The following EPHB1 variants were observed in gnomAD, a reference collection of about 807,000 sequenced individuals.
EPHB1 encodes the protein ephrin type-B receptor 1.
EPHB1 carries 30 observed loss-of-function variants against 94.4 expected under a neutral mutation model. The observed-to-expected ratio is 0.32, with a 90% CI of 0.24 to 0.43. The LOEUF (loss-of-function observed/expected upper bound fraction) is 0.43, where lower values mean the gene tolerates loss of function less well. Ranked by LOEUF, EPHB1 falls within the 20% of genes least tolerant of loss-of-function variation. EPHB1 has a pLI of 1.00. For synonymous variants in EPHB1, 522 were observed against 489.1 expected, an observed-to-expected ratio of 1.07 and a Z score of -0.89; for missense variants, 1,055 against 1,308.3, an observed-to-expected ratio of 0.81 and a Z score of 2.99.
chr3:134,885,799 C>A lies in EPHB1; in HGVS notation c.59-40017C>A, dbSNP rs183368522. On this transcript the variant is annotated intron_variant, in intron 1 of 15. Coordinates refer to ENST00000398015, the MANE Select transcript of EPHB1 (RefSeq NM_004441.5). Reference sequence around the variant, plus strand: ...TTCCCAACCTTCTTTGACCAAGGAACCCCTTCAAGGAAGGCTATGCCCTCT... The same window carrying A: ...TTCCCAACCTTCTTTGACCAAGGAAACCCTTCAAGGAAGGCTATGCCCTCT... 1.6e-4 allele frequency among the ~76,000 whole-genome samples: 24 copies of A among 152,304 alleles called. No individual in the cohort carries two copies. The East Asian group carries it at 4.4e-3, about 28-fold the overall frequency.
At chr3:135,111,779 A>G (rs1156404196) in intron 4 of EPHB1, among the ~76,000 whole-genome samples, 1 of 152,172 alleles carries the variant, frequency 6.6e-6, no homozygotes. Flanking sequence ...TCCCAGGTTC[A>G]AGCGATTCTC....
At chr3:135,061,533 A>G (rs916235124) in intron 3 of EPHB1, among the ~76,000 whole-genome samples, 1 of 152,134 alleles carries the variant, frequency 6.6e-6, no homozygotes, top group African/African-American at 2.4e-5. Context: ...GTCACTACGA[A>G]TGCTGTTAAT....
At chr3:135,158,749 G>A (rs779110313) in intron 6 of EPHB1, among the ~76,000 whole-genome samples, 30 of 151,958 alleles carry the variant, frequency 2.0e-4, no homozygotes, top group Admixed American at 5.2e-4. Flanking sequence ...GTTTACTGTC[G>A]TGTAGCACTT....
intron 1 of EPHB1, among the ~76,000 whole-genome samples, chr3:134,818,322 G>A (rs2036309307): frequency 6.6e-6 from 1 of 152,338 alleles, no homozygotes; most frequent in Non-Finnish European, 1.5e-5. Context: ...GGCTTAGGAT[G>A]TATGACCTTA....
chr3:135,082,514 A>G (rs1938200310), intron 3 of EPHB1, among the ~76,000 whole-genome samples: 1 of 152,186 alleles, frequency 6.6e-6, no homozygotes, highest in Non-Finnish European at 1.5e-5. Flanking sequence ...TCTTGAGAGG[A>G]TCTATACCTG....
intron 4 of EPHB1, among the ~76,000 whole-genome samples, chr3:135,108,868 C>T (rs1416453857): frequency 6.6e-6 from 1 of 152,144 alleles, no homozygotes; most frequent in Non-Finnish European, 1.5e-5. Flanking sequence ...ACAAGTGACT[C>T]CTCACCACTC....
At chr3:134,999,021 G>C (rs1935089629) in intron 3 of EPHB1, among the ~76,000 whole-genome samples, 1 of 152,156 alleles carries the variant, frequency 6.6e-6, no homozygotes. Flanking sequence ...GGCTGACTGG[G>C]CTGGGAAGAC....
chr3:134,846,471 G>T (rs1384923369), intron 1 of EPHB1, among the ~76,000 whole-genome samples: 1 of 152,142 alleles, frequency 6.6e-6, no homozygotes, highest in East Asian at 1.9e-4. Context: ...CATCGCGTGG[G>T]TGCTCCTTTG....
chr3:135,054,024 C>CATATATATATATAT (rs144029421), intron 3 of EPHB1, among the ~76,000 whole-genome samples: 2 of 137,430 alleles, frequency 1.5e-5, no homozygotes, highest in African/African-American at 5.6e-5. Flanking sequence ...TGTGTGTCTG[C>CATATATATATATAT]ATATATATAT....
intron 3 of EPHB1, among the ~76,000 whole-genome samples, chr3:134,960,851 A>G (rs1933489647): frequency 6.6e-6 from 1 of 152,202 alleles, no homozygotes; most frequent in African/African-American, 2.4e-5. Flanking sequence ...AGAATGAAAT[A>G]GGCATTTTGG....
At chr3:135,214,814 G>C (rs1027568163) in intron 12 of EPHB1, among the ~76,000 whole-genome samples, 6 of 152,080 alleles carry the variant, frequency 3.9e-5, no homozygotes, top group Non-Finnish European at 8.8e-5. Flanking sequence ...ATTGATCCCT[G>C]TGTTCAGCAA....
chr3:134,849,242 G>C (rs1252196850), intron 1 of EPHB1, among the ~76,000 whole-genome samples: 1 of 152,220 alleles, frequency 6.6e-6, no homozygotes, highest in Non-Finnish European at 1.5e-5. Context: ...TTCCGATTGA[G>C]TAGCTTTTGA....
chr3:135,102,498 A>T (rs1209593985), intron 3 of EPHB1, among the ~76,000 whole-genome samples: 1 of 152,198 alleles, frequency 6.6e-6, no homozygotes, highest in Non-Finnish European at 1.5e-5. Context: ...TTTGTTTCTG[A>T]TTAATGGCAC....
chr3:134,952,039 C>T lies in EPHB1; in HGVS notation c.792C>T (p.Ser264=), dbSNP rs908974837. ...TCKPGYEPEN[S]VACKACPAGT... is the part of the protein sequence containing the mutation. ...AGCCTGGCTATGAGCCTGAGAACAG[C>T]GTGGCATGCAAGGGTAAGCTTTGGA... is the stretch of plus-strand genomic sequence containing the variant. The change falls in exon 3 of 16, where the codon AGC becomes AGT. Residue 264 remains serine (S), a synonymous_variant. Coordinates refer to ENST00000398015, the MANE Select transcript of EPHB1 (RefSeq NM_004441.5). 20 of 1,604,830 alleles carry T rather than the reference C, an allele frequency of 1.2e-5. No homozygotes were observed. Among genetic ancestry groups the T allele is most frequent in the South Asian group, 8.9e-5 (8 of 90,010 alleles).
chr3:135,229,201 C>A (rs576643932), intron 12 of EPHB1, among the ~76,000 whole-genome samples: 1 of 152,196 alleles, frequency 6.6e-6, no homozygotes. Flanking sequence ...GGAGCAGCTC[C>A]GTCAGCACTG....
intron 3 of EPHB1, among the ~76,000 whole-genome samples, chr3:134,955,416 GTCCCTACA>G (rs1164982025): frequency 2.4e-5 from 2 of 82,954 alleles, no homozygotes; most frequent in Non-Finnish European, 4.6e-5. Flanking sequence ...TTTCATCCAT[GTCCCTACA>G]AAGGACATGA....
intron 1 of EPHB1, among the ~76,000 whole-genome samples, chr3:134,812,515 TTGG>T (rs1185699111): frequency 6.6e-6 from 1 of 152,374 alleles, no homozygotes; most frequent in African/African-American, 2.4e-5. Context: ...CATTTCACAG[TTGG>T]TGGACATTTG....
intron 9 of EPHB1, among the ~76,000 whole-genome samples, chr3:135,179,619 A>G (rs1030573659): frequency 2.0e-5 from 3 of 152,128 alleles, no homozygotes; most frequent in Admixed American, 6.5e-5. Flanking sequence ...ACATTTCACC[A>G]AGAGCTCAAA....
At chr3:135,044,600 A>C (rs965527771) in intron 3 of EPHB1, among the ~76,000 whole-genome samples, 2 of 152,218 alleles carry the variant, frequency 1.3e-5, no homozygotes, top group African/African-American at 2.4e-5. Flanking sequence ...TCCTGGCCTT[A>C]AATGGAGGCA....
Sources: allele counts gnomAD v4.1 joint callset (sites outside exome capture counted in the v4.1 genomes callset), GRCh38; gene constraint gnomAD v4.1.1; transcripts MANE v1.5; gene names NCBI Gene and HGNC (gene_info 2026-07-23, HGNC 2026-07-21).